Variants in ARIH2 observed in about 807,000 individuals in gnomAD.
The protein encoded by ARIH2 is E3 ubiquitin-protein ligase ARIH2.
In ARIH2, 12 loss-of-function variants were observed where a neutral mutation model predicts 79.8. The ratio of observed to expected loss-of-function variants is 0.15; its 90% CI spans 0.10 to 0.24. The LOEUF (loss-of-function observed/expected upper bound fraction) is 0.24. ARIH2 is among the 10% of genes least tolerant of loss of function. The pLI is 1.00. For missense variants in ARIH2, 301 were observed against 618.3 expected (o/e 0.49, Z 5.44); for synonymous variants, 224 against 213.9 (o/e 1.05, Z -0.41).
At chr3:48,956,826 T>C (rs1322485585) in intron 3 of ARIH2, among the ~76,000 whole-genome samples, 1 of 151,554 alleles carries the variant, frequency 6.6e-6, no homozygotes, top group African/African-American at 2.4e-5. Context: ...AGCCTCCTGA[T>C]TTCCCAAGTA....
chr3:48,969,349 G>A (rs1467006995), intron 7 of ARIH2, among the ~76,000 whole-genome samples: 1 of 152,146 alleles, frequency 6.6e-6, no homozygotes, highest in Non-Finnish European at 1.5e-5. Flanking sequence ...TGAGCAGAGA[G>A]AAGGGGTATT....
chr3:48,981,535 T>C, intron 13 of ARIH2, 125 bp from the exon 14 acceptor site: 1 of 635,866 alleles, frequency 1.6e-6, no homozygotes, highest in South Asian at 2.1e-5. Flanking sequence ...GTATCATTTC[T>C]TTCAGGCCTA....
At chr3:48,979,682 T>C in intron 12 of ARIH2, 49 bp downstream of exon 12, 1 of 1,599,806 alleles carries the variant, frequency 6.3e-7, no homozygotes, top group Non-Finnish European at 8.5e-7. Flanking sequence ...CTTCTTCCAC[T>C]TGGCCTGCTG....
rs2092183498 is a variant in ARIH2, at chr3:48,970,864, A to G, written c.770+160A>G. ...TGGGTAGGTTTATGTCCAGCATCTC[A>G]TATTCCACTAGGTCTTCAATACATG... On this transcript the variant is annotated intron_variant, in intron 8 of 15. Transcript: ENST00000356401. 3 of 569,442 alleles carry G rather than the reference A, an allele frequency of 5.3e-6. No homozygotes were observed. In the Admixed American group the frequency reaches 8.9e-5, roughly 17 times the overall value. The allele number at this position is 569,442 out of a possible 1,614,324, so 35.3% of individuals were successfully genotyped here.
At position 48,948,359 on chromosome 3, in the gene ARIH2, C is replaced by T. The variant is rs139407620; in HGVS notation, c.256-13253C>T. Among the ~76,000 whole-genome samples the T allele has an allele frequency of 1.2e-3, 180 of 152,252 alleles. 1 individual carries two copies. The highest frequency in any genetic ancestry group is 1.9e-3 in the East Asian group (10 of 5,194). On this transcript the variant is annotated intron_variant, in intron 3 of 15. Coordinates refer to ENST00000356401, the MANE Select transcript of ARIH2 (RefSeq NM_006321.4). ...TCTCGGCTCACCGCAACCTTTGCGT[C>T]CCAGGTTCAAGCGATTCTCCTGACT...
chr3:48,976,409 C>T (rs2107658995), intron 11 of ARIH2, among the ~76,000 whole-genome samples: 1 of 152,056 alleles, frequency 6.6e-6, no homozygotes, highest in East Asian at 1.9e-4. Flanking sequence ...TGCGGTTTCA[C>T]CATGTTGGCC....
At chr3:48,961,182 T>C (rs1335641353) in intron 3 of ARIH2, among the ~76,000 whole-genome samples, 1 of 152,212 alleles carries the variant, frequency 6.6e-6, no homozygotes, top group Non-Finnish European at 1.5e-5. Context: ...GTAGGGTTTA[T>C]GCAAACCCAG....
At chr3:48,948,258 G>C (rs2089478662) in intron 3 of ARIH2, among the ~76,000 whole-genome samples, 1 of 151,828 alleles carries the variant, frequency 6.6e-6, no homozygotes, top group Admixed American at 6.6e-5. Context: ...ACTGCGCCCG[G>C]CCTCCTTTTT....
chr3:48,968,500 C>A, intron 6 of ARIH2, 34 bp from the exon 7 acceptor site: 1 of 1,597,284 alleles, frequency 6.3e-7, no homozygotes, highest in South Asian at 1.1e-5. Context: ...TGAGCTATCG[C>A]ACCTGGCCCC....
At chr3:48,970,481 C>T in intron 7 of ARIH2, 114 bp from the exon 8 acceptor site, 1 of 703,666 alleles carries the variant, frequency 1.4e-6, no homozygotes, top group Non-Finnish European at 2.5e-6. Flanking sequence ...TATATAGCCC[C>T]TTCGTATAAG....
At chr3:48,938,929 A>G (rs1370025870) in intron 3 of ARIH2, among the ~76,000 whole-genome samples, 2 of 150,870 alleles carry the variant, frequency 1.3e-5, no homozygotes, top group African/African-American at 2.4e-5. Context: ...AAAAAAAAAA[A>G]AAAAAAAAAA....
intron 3 of ARIH2, among the ~76,000 whole-genome samples, chr3:48,939,895 T>A (rs2087823591): frequency 6.6e-6 from 1 of 151,890 alleles, no homozygotes; most frequent in African/African-American, 2.4e-5. Flanking sequence ...AACCATCATC[T>A]TCATCTTGTT....
At chr3:48,948,354 T>C (rs939706601) in intron 3 of ARIH2, among the ~76,000 whole-genome samples, 1 of 151,748 alleles carries the variant, frequency 6.6e-6, no homozygotes, top group African/African-American at 2.4e-5. Flanking sequence ...CCGCAACCTT[T>C]GCGTCCCAGG....
At chr3:48,927,438 CT>C (rs896404697) in intron 2 of ARIH2, 23 bp from the exon 3 acceptor site, 19 of 1,256,828 alleles carry the variant, frequency 1.5e-5, no homozygotes, top group Non-Finnish European at 1.9e-5. Flanking sequence ...AAAAGTAACA[CT>C]TATTTTTTTT....
chr3:48,948,221 A>G (rs1400471479), intron 3 of ARIH2, among the ~76,000 whole-genome samples: 1 of 151,828 alleles, frequency 6.6e-6, no homozygotes, highest in East Asian at 1.9e-4. Context: ...TCGGCCTCCT[A>G]AAGTGCTGGG....
chr3:48,951,005 C>G (rs2089888369), intron 3 of ARIH2, among the ~76,000 whole-genome samples: 2 of 149,314 alleles, frequency 1.3e-5, no homozygotes, highest in Non-Finnish European at 3.0e-5. Context: ...CCCTGTCACC[C>G]AGGCTGGAGT....
intron 3 of ARIH2, among the ~76,000 whole-genome samples, chr3:48,931,745 G>C (rs1266769252): frequency 6.6e-6 from 1 of 150,608 alleles, no homozygotes; most frequent in Non-Finnish European, 1.5e-5. Flanking sequence ...AGCCGGGTGC[G>C]GTGGCTCACG....
At position 48,979,465 on chromosome 3, in the gene ARIH2, TC is replaced by T; in HGVS notation, c.962-15del. The T allele has an allele frequency of 6.2e-7, 1 of 1,611,102 alleles. No individual in the cohort carries two copies. The highest frequency in any genetic ancestry group is 8.5e-7 in the Non-Finnish European group (1 of 1,178,370). ...TTGTCTTGTAGATGTAAATGACTCT[TC>T]CTCTGTTCTGCACAGACTTCTGCTG... On this transcript the variant is annotated splice_polypyrimidine_tract_variant and intron_variant, in intron 11 of 15. Transcript: ENST00000356401.
Position 48,970,609 on chromosome 3 carries a change from C to G in ARIH2, c.675C>G (p.Leu225=). The change falls in exon 8 of 16, where the codon CTC becomes CTG. Residue 225 remains leucine (L), a synonymous_variant. Transcript: ENST00000356401. ...FRDYVESHYQ[L]QLCPGADCPM... ...TGTGTTCACAGAGTCATTACCAGCT[C>G]CAGCTGTGCCCTGGTGCAGACTGCC... 6.2e-7 allele frequency: 1 copy of G among 1,613,822 alleles called. No homozygotes were observed. The highest frequency in any genetic ancestry group is 8.5e-7 in the Non-Finnish European group (1 of 1,179,722).
Sources: gnomAD v4.1 joint callset for allele counts (sites outside exome capture counted in the v4.1 genomes callset) on GRCh38, gnomAD v4.1.1 for gene constraint, MANE v1.5 for transcripts, NCBI Gene and HGNC (gene_info 2026-07-23, HGNC 2026-07-21) for gene names.